Variants in HYDIN observed in about 807,000 individuals in gnomAD.
HYDIN encodes HYDIN axonemal central pair apparatus protein.
HYDIN carries 132 observed loss-of-function variants against 403.9 expected under a neutral mutation model. That is an observed-to-expected ratio of 0.33 (90% CI 0.28 to 0.38). The LOEUF is 0.38. HYDIN is among the 10% of genes least tolerant of loss of function. HYDIN has a pLI of 1.00. For synonymous variants in HYDIN, 1,202 were observed against 1,891.7 expected (o/e 0.64, Z 9.46); for missense variants, 2,827 against 5,009.5 (o/e 0.56, Z 13.15).
chr16:71,139,270 A>T (rs1166554151), intron 7 of HYDIN, among the ~76,000 whole-genome samples: 2 of 152,142 alleles, frequency 1.3e-5, no homozygotes, highest in African/African-American at 4.8e-5. Context: ...AAGAAACTCA[A>T]TTTTTTGGGG....
chr16:70,979,190 CT>C (rs1488408708), intron 29 of HYDIN, 149 bp from the exon 30 acceptor site: 1 of 1,008,002 alleles, frequency 9.9e-7, no homozygotes. Context: ...CCCGCTTTCC[CT>C]GCTTCAGAGG....
At chr16:71,000,720 G>A (rs2079678367) in intron 23 of HYDIN, among the ~76,000 whole-genome samples, 1 of 151,654 alleles carries the variant, frequency 6.6e-6, no homozygotes, top group African/African-American at 2.4e-5. Context: ...TAGCCTCAGT[G>A]GGTAATTTGA....
At position 70,807,686 on chromosome 16, in the gene HYDIN, C is replaced by T. The variant is rs1434547125; in HGVS notation, c.15260G>A (p.Gly5087Asp). The part of the protein sequence containing the change: ...ITVSFEGNPS[G>D]SKTPITTKLT... ...CTTGGTGGTGATGGGGGTTTTGCTG[C>T]CAGATGGGTTTCCTTCAAAGGAGAC... Residue 5087 changes from glycine (G) to aspartate (D), a missense_variant, in exon 86 of 86, where the codon GGC becomes GAC. Coordinates refer to ENST00000393567, the MANE Select transcript of HYDIN (RefSeq NM_001270974.2). 1 of 1,614,098 alleles carries T rather than the reference C, an allele frequency of 6.2e-7. No homozygotes were observed. The highest frequency in any genetic ancestry group is 8.5e-7 in the Non-Finnish European group (1 of 1,180,020).
intron 83 of HYDIN, among the ~76,000 whole-genome samples, chr16:70,820,229 C>T (rs774750128): frequency 1.9e-3 from 212 of 112,804 alleles, no homozygotes; most frequent in African/African-American, 6.9e-3. Context: ...CTCGCTCTGT[C>T]GCCCAGGCTG....
intron 7 of HYDIN, among the ~76,000 whole-genome samples, chr16:71,138,998 C>G (rs980509923): frequency 2.0e-5 from 3 of 150,588 alleles, no homozygotes; most frequent in African/African-American, 7.4e-5. Flanking sequence ...GCAGGAGAAT[C>G]ACTTGAACCC....
intron 6 of HYDIN, among the ~76,000 whole-genome samples, chr16:71,159,812 A>G (rs1264668723): frequency 6.6e-6 from 1 of 152,280 alleles, no homozygotes; most frequent in Non-Finnish European, 1.5e-5. Flanking sequence ...AGAATTCTAT[A>G]TGGTGAAAAA....
chr16:71,020,719 A>G (rs995579852), intron 21 of HYDIN, among the ~76,000 whole-genome samples: 1 of 151,404 alleles, frequency 6.6e-6, no homozygotes, highest in Non-Finnish European at 1.5e-5. Flanking sequence ...TGAGGCATGA[A>G]GATCACTTGA....
At chr16:71,024,783 C>T (rs1329222230) in intron 21 of HYDIN, among the ~76,000 whole-genome samples, 1 of 147,672 alleles carries the variant, frequency 6.8e-6, no homozygotes, top group Non-Finnish European at 1.5e-5. Flanking sequence ...CTGACATTTA[C>T]TGTCTACCCT....
In HYDIN at chr16:70,997,998, T is replaced by C. The variant is rs190273732; in HGVS notation, c.3645-5788A>G. On this transcript the variant is annotated intron_variant, in intron 23 of 85. Coordinates refer to ENST00000393567, the MANE Select transcript of HYDIN (RefSeq NM_001270974.2). ...GAGTCTATTTTCTTCAGGCCTTGCA[T>C]CTGGGCTTGGCTTGACTCCTTTGGC... Among the ~76,000 whole-genome samples, 623 of 152,206 alleles carry C rather than the reference T, an allele frequency of 4.1e-3. 3 individuals are homozygous for C. The highest frequency in any genetic ancestry group is 7.2e-3 in the Non-Finnish European group (488 of 68,018).
intron 1 of HYDIN, among the ~76,000 whole-genome samples, chr16:71,225,326 T>C (rs769679003): frequency 4.7e-4 from 71 of 152,254 alleles, no homozygotes; most frequent in Middle Eastern, 3.4e-3. Flanking sequence ...CCCACAACAC[T>C]GAAAAAGAAA....
At chr16:71,154,696 T>C (rs1201808025) in intron 6 of HYDIN, among the ~76,000 whole-genome samples, 3 of 151,146 alleles carry the variant, frequency 2.0e-5, no homozygotes, top group Non-Finnish European at 2.9e-5. Context: ...TCCTTTTTCC[T>C]GTCCCCATAC....
intron 8 of HYDIN, chr16:71,133,022 T>C (rs1242476619): frequency 1.3e-5 from 4 of 301,528 alleles, no homozygotes; most frequent in Non-Finnish European, 2.6e-5. Flanking sequence ...AACCATGGGC[T>C]TAACCCATTT....
Position 70,902,821 on chromosome 16 carries a change from A to ATATTTTTTTTTTTTTTTTTT in HYDIN, c.8849+803_8849+804insAAAAAAAAAAAAAAAAAATA. ...TATATATATATATATATATATATAT[A>ATATTTTTTTTTTTTTTTTTT]TTTTTTTTTTTTTTTTTGTCCCACT... is the stretch of plus-strand genomic sequence containing the variant. On this transcript the variant is annotated intron_variant, in intron 52 of 85. Coordinates refer to ENST00000393567, the MANE Select transcript of HYDIN (RefSeq NM_001270974.2). Among the ~76,000 whole-genome samples, 6 of 47,300 alleles carry ATATTTTTTTTTTTTTTTTTT rather than the reference A, an allele frequency of 1.3e-4. No individual in the cohort carries two copies. In the East Asian group the frequency reaches 1.6e-3, roughly 13 times the overall value. 31.0% of individuals were successfully genotyped at this position (47,300 alleles called of 152,430 possible).
intron 84 of HYDIN, among the ~76,000 whole-genome samples, chr16:70,812,577 A>C (rs1371017992): frequency 1.3e-5 from 2 of 152,244 alleles, no homozygotes; most frequent in Non-Finnish European, 2.9e-5. Flanking sequence ...ATATTCTTAC[A>C]ACAAATAATG....
At chr16:71,106,241 G>T (rs2083611573) in intron 10 of HYDIN, among the ~76,000 whole-genome samples, 1 of 151,270 alleles carries the variant, frequency 6.6e-6, no homozygotes, top group Non-Finnish European at 1.5e-5. Flanking sequence ...GCCACTTCAT[G>T]TTCTTGCTAT....
chr16:70,901,844 A>G (rs2076389081), intron 52 of HYDIN, among the ~76,000 whole-genome samples: 1 of 152,152 alleles, frequency 6.6e-6, no homozygotes, highest in Non-Finnish European at 1.5e-5. Flanking sequence ...TCGGCCTCCC[A>G]AAGTGCTGGG....
At chr16:70,986,772 G>A (rs1053232867) in intron 27 of HYDIN, among the ~76,000 whole-genome samples, 7 of 125,238 alleles carry the variant, frequency 5.6e-5, no homozygotes, top group African/African-American at 2.1e-4. Context: ...ACCCTAGAAG[G>A]AGCTGAGCTG....
intron 2 of HYDIN, 36 bp from the exon 3 acceptor site, chr16:71,185,026 AGTGGATGTACT>A (rs1486750097): frequency 2.0e-6 from 3 of 1,500,658 alleles, no homozygotes; most frequent in African/African-American, 2.8e-5. Context: ...AAGATTCTTA[AGTGGATGTACT>A]GAAAAAGTGT....
chr16:71,194,342 C>T (rs541988543), intron 1 of HYDIN, among the ~76,000 whole-genome samples: 71 of 152,228 alleles, frequency 4.7e-4, no homozygotes, highest in African/African-American at 1.6e-3. Context: ...ACCAGGGAGG[C>T]GGAGGTTGCA....
Sources: gnomAD v4.1 joint callset for allele counts (sites outside exome capture counted in the v4.1 genomes callset) on GRCh38, gnomAD v4.1.1 for gene constraint, MANE v1.5 for transcripts, NCBI Gene and HGNC (gene_info 2026-07-23, HGNC 2026-07-21) for gene names.